The following CHD9 variants were observed in gnomAD, a reference collection of about 807,000 sequenced individuals.
CHD9 encodes the protein chromodomain helicase DNA binding protein 9.
In CHD9, 77 loss-of-function variants were observed where a neutral mutation model predicts 316.1. The ratio of observed to expected loss-of-function variants is 0.24; its 90% CI spans 0.20 to 0.29. The LOEUF (loss-of-function observed/expected upper bound fraction) is 0.29. CHD9 is among the 10% of genes least tolerant of loss of function. The pLI, the probability that CHD9 is intolerant of heterozygous loss-of-function variation, is 1.00. For synonymous variants in CHD9, 1,129 were observed against 1,158.3 expected, an observed-to-expected ratio of 0.97 and a Z score of 0.51; for missense variants, 2,763 against 3,438.1, an observed-to-expected ratio of 0.80 and a Z score of 4.91.
intron 20 of CHD9, 93 bp downstream of exon 20, chr16:53,263,190 TA>T (rs2051312781): frequency 3.5e-6 from 3 of 852,150 alleles, no homozygotes; most frequent in Non-Finnish European, 5.4e-6. Flanking sequence ...ATGCAGTTAC[TA>T]AAACAAATTT....
intron 1 of CHD9, among the ~76,000 whole-genome samples, chr16:53,108,170 C>T (rs565027834): frequency 6.6e-6 from 1 of 152,174 alleles, no homozygotes; most frequent in Non-Finnish European, 1.5e-5. Context: ...TTATTATTAG[C>T]AATACCCACT....
intron 2 of CHD9, among the ~76,000 whole-genome samples, chr16:53,163,997 C>T (rs2042101189): frequency 1.3e-5 from 2 of 152,094 alleles, no homozygotes; most frequent in African/African-American, 4.8e-5. Context: ...TAATAAACCC[C>T]AAGTCACACA....
At chr16:53,132,150 CTT>C (rs777757825) in intron 1 of CHD9, among the ~76,000 whole-genome samples, 31 of 151,150 alleles carry the variant, frequency 2.1e-4, no homozygotes, top group Non-Finnish European at 3.4e-4. Flanking sequence ...AAAAATAAAA[CTT>C]TTCAGAACAA....
chr16:53,166,087 G>A (rs926783997), intron 2 of CHD9, among the ~76,000 whole-genome samples: 9 of 152,098 alleles, frequency 5.9e-5, no homozygotes, highest in Non-Finnish European at 8.8e-5. Flanking sequence ...TTCACTTAAA[G>A]TGGACTACTT....
At position 53,326,387 on chromosome 16, in the gene CHD9, A is replaced by C. The variant is rs1489755159; in HGVS notation, c.*1492A>C. 6.6e-6 allele frequency: 1 copy of C among 152,516 alleles called. No individual in the cohort carries two copies. Among genetic ancestry groups the C allele is most frequent in the Non-Finnish European group, 1.5e-5 (1 of 67,932 alleles). 9.4% of individuals were successfully genotyped at this position (152,516 alleles called of 1,614,324 possible). A position where few individuals can be genotyped will look rare whatever the true frequency, so the allele number is the denominator to read the frequency against. On this transcript the variant is annotated 3_prime_UTR_variant, in exon 39 of 39. Coordinates refer to ENST00000447540, the MANE Select transcript of CHD9 (RefSeq NM_001308319.2). Reference sequence around the variant, plus strand: ...TGTCCCAGTTCTCTCCTACAGAAAAAATACTTTCAGTATGTTTTGATAAAA... The same window carrying C: ...TGTCCCAGTTCTCTCCTACAGAAAACATACTTTCAGTATGTTTTGATAAAA...
At chr16:53,294,124 G>A (rs181944012) in intron 29 of CHD9, among the ~76,000 whole-genome samples, 70 of 152,198 alleles carry the variant, frequency 4.6e-4, no homozygotes, top group Non-Finnish European at 8.8e-4. Context: ...GGAACAAATC[G>A]CAAGCGACCT....
chr16:53,056,799 C>A (rs541555689), intron 1 of CHD9, among the ~76,000 whole-genome samples: 1 of 152,158 alleles, frequency 6.6e-6, no homozygotes, highest in Non-Finnish European at 1.5e-5. Flanking sequence ...ATGAGTAAGA[C>A]AGAATTCAGC....
At chr16:53,217,215 CAATTT>C (rs2046835213) in intron 3 of CHD9, among the ~76,000 whole-genome samples, 2 of 152,014 alleles carry the variant, frequency 1.3e-5, no homozygotes, top group Non-Finnish European at 2.9e-5. Flanking sequence ...GAATGTACAT[CAATTT>C]GAGTTTGTTG....
At chr16:53,307,081 A>G (rs1356984152) in intron 32 of CHD9, among the ~76,000 whole-genome samples, 3 of 151,394 alleles carry the variant, frequency 2.0e-5, no homozygotes, top group Non-Finnish European at 2.9e-5. Context: ...CACCTGACCA[A>G]TTTTTCTTCC....
chr16:53,104,914 G>A (rs1043102260), intron 1 of CHD9, among the ~76,000 whole-genome samples: 4 of 151,714 alleles, frequency 2.6e-5, no homozygotes, highest in Non-Finnish European at 5.9e-5. Context: ...ACTACCTTGA[G>A]CCCCGAACGC....
chr16:53,214,297 A>G (rs2046566717), intron 3 of CHD9, among the ~76,000 whole-genome samples: 1 of 152,122 alleles, frequency 6.6e-6, no homozygotes, highest in Non-Finnish European at 1.5e-5. Context: ...AATAAGACAT[A>G]TCATTAGAAA....
rs1366632553 is a variant in CHD9 at position 53,245,215 on chromosome 16, A to G, written c.3055-121A>G. Reference sequence around the variant, plus strand: ...ATATATACACACACACACACATAACATATATATATGTATATATAGTCAGAA... The same window carrying G: ...ATATATACACACACACACACATAACGTATATATATGTATATATAGTCAGAA... On this transcript the variant is annotated intron_variant, in intron 13 of 38. Transcript: ENST00000447540. This position sits in a 1 kb window ranked among gnomAD's most constrained non-coding sequence, Gnocchi z 4.1. The G allele has an allele frequency of 4.7e-6, 3 of 639,356 alleles. No homozygotes were observed. The highest frequency in any genetic ancestry group is 7.4e-6 in the Non-Finnish European group (3 of 404,822). The allele number at this position is 639,356 out of a possible 1,614,324, so 39.6% of individuals were successfully genotyped here. A position where few individuals can be genotyped will look rare whatever the true frequency, so the allele number is the denominator to read the frequency against.
At chr16:53,171,220 A>G (rs992112082) in intron 2 of CHD9, among the ~76,000 whole-genome samples, 14 of 151,956 alleles carry the variant, frequency 9.2e-5, no homozygotes, top group African/African-American at 3.1e-4. Context: ...CTATCCTACT[A>G]TCCTGGCTAA....
intron 1 of CHD9, among the ~76,000 whole-genome samples, chr16:53,086,208 C>T (rs1165100431): frequency 3.3e-5 from 5 of 152,124 alleles, no homozygotes; most frequent in African/African-American, 4.8e-5. Flanking sequence ...GTTCAGGCAA[C>T]GGTTCTCAAG....
chr16:53,233,868 A>G (rs1448256748), intron 10 of CHD9, among the ~76,000 whole-genome samples: 3 of 152,200 alleles, frequency 2.0e-5, no homozygotes, highest in East Asian at 1.9e-4. Context: ...TAGTAACAGT[A>G]TAATTTTAAA....
chr16:53,233,572 A>G (rs913503103), intron 10 of CHD9, among the ~76,000 whole-genome samples: 1 of 152,036 alleles, frequency 6.6e-6, no homozygotes, highest in Non-Finnish European at 1.5e-5. Context: ...TCTAATGGCC[A>G]TTGGTGATCA....
chr16:53,233,045 C>A (rs1341206005), intron 10 of CHD9, among the ~76,000 whole-genome samples: 1 of 152,142 alleles, frequency 6.6e-6, no homozygotes, highest in Non-Finnish European at 1.5e-5. Context: ...GCAGTGGATG[C>A]CAGCTGGCTG....
rs1317704712 is a variant in CHD9 at position 53,314,819 on chromosome 16, A to G, written c.7363-4A>G. ...TAAAGATACCATTTGGTGTTTTTTT[A>G]CAGGTTTCTTTAGGCTTAACCTCCT... On this transcript the variant is annotated splice_polypyrimidine_tract_variant and splice_region_variant and intron_variant, in intron 35 of 38. Coordinates refer to ENST00000447540, the MANE Select transcript of CHD9 (RefSeq NM_001308319.2). 6.3e-7 allele frequency: 1 copy of G among 1,584,998 alleles called. No homozygotes were observed. Among genetic ancestry groups the G allele is most frequent in the African/African-American group, 1.4e-5 (1 of 73,670 alleles).
At chr16:53,268,180 T>C in intron 22 of CHD9, 54 bp downstream of exon 22, 1 of 1,155,868 alleles carries the variant, frequency 8.7e-7, no homozygotes, top group African/African-American at 1.5e-5. Flanking sequence ...ATATAAGTAA[T>C]ACTTAACATA....
Sources: gnomAD v4.1 joint callset for allele counts (sites outside exome capture counted in the v4.1 genomes callset) on GRCh38, gnomAD v4.1.1 for gene constraint, Gnocchi (gnomAD v3.1) non-coding constraint, MANE v1.5 for transcripts, NCBI Gene and HGNC (gene_info 2026-07-23, HGNC 2026-07-21) for gene names.